The following STAU1 variants were observed in gnomAD, a reference collection of about 807,000 sequenced individuals.
STAU1 encodes the protein staufen double-stranded RNA binding protein 1, also known as double-stranded RNA-binding protein Staufen homolog 1.
In STAU1, 13 loss-of-function variants were observed where a neutral mutation model predicts 62.9. The observed-to-expected ratio is 0.21, with a 90% confidence interval of 0.13 to 0.33. The LOEUF (loss-of-function observed/expected upper bound fraction) is 0.33, where lower values mean the gene tolerates loss of function less well. Among genes scored for constraint, STAU1 ranks in the 10% least tolerant of loss-of-function variants. The pLI, the probability that STAU1 is intolerant of heterozygous loss-of-function variation, is 1.00. For missense variants in STAU1, 571 were observed against 712.1 expected, an observed-to-expected ratio of 0.80 and a Z score of 2.25; for synonymous variants, 269 against 265.1, an observed-to-expected ratio of 1.01 and a Z score of -0.14.
chr20:49,165,955 G>A (rs555624524), intron 3 of STAU1, 42 bp downstream of exon 3: 18 of 1,600,772 alleles, frequency 1.1e-5, no homozygotes, highest in Non-Finnish European at 1.5e-5. Context: ...AACAGGGTAA[G>A]AAAACATTTG....
upstream of STAU1, among the ~76,000 whole-genome samples, chr20:49,189,201 C>CAAA (rs545643816): frequency 2.1e-4 from 7 of 33,622 alleles, 3 homozygotes; most frequent in Non-Finnish European, 2.6e-4. Context: ...ACACTGGTCT[C>CAAA]AAAAAAAAAA....
intron 1 of STAU1, among the ~76,000 whole-genome samples, chr20:49,178,423 G>A (rs2093685186): frequency 6.6e-6 from 1 of 151,620 alleles, no homozygotes; most frequent in Admixed American, 6.6e-5. Context: ...AGGCTAGGCT[G>A]GCCAACATGG....
In STAU1 at chr20:49,166,074, G is replaced by A. The variant is rs772337139; in HGVS notation, c.128C>T (p.Pro43Leu). Residue 43 changes from proline (P) to leucine (L), a missense_variant, in exon 3 of 14, where the codon CCC (proline) becomes CTC (leucine). Coordinates refer to ENST00000371856, the MANE Select transcript of STAU1 (RefSeq NM_017453.4). Reference protein sequence around the residue: ...MSIPSTTSSLPSENAGRPIQN... With the variant: ...MSIPSTTSSLLSENAGRPIQN... ...AATGGGTCTACCTGCATTTTCAGAG[G>A]GCAGAGAGCTAGTAGTAGAAGGAAT... 6.2e-7 allele frequency: 1 copy of A among 1,614,172 alleles called. No individual in the cohort carries two copies. Among genetic ancestry groups the A allele is most frequent in the South Asian group, 1.1e-5 (1 of 91,080 alleles).
the STAU1 span, among the ~76,000 whole-genome samples, chr20:49,201,183 A>G: frequency 6.6e-6 from 1 of 151,900 alleles, no homozygotes. Flanking sequence ...ATGCTACTAA[A>G]ATGGTAGATA....
Position 49,117,197 on chromosome 20 carries a change from T to C in STAU1, c.1561A>G (p.Ile521Val). The stretch of plus-strand genomic sequence containing the variant: ...AGAGGTGGCTGAGAGGAGCAATTGA[T>C]AAGAGATACAAATTCGTTCTTGTTG... ...KNNKNEFVSLINCSSQPPLIS... is the reference protein window; with the variant it reads ...KNNKNEFVSLVNCSSQPPLIS... Residue 521 changes from isoleucine to valine, a missense_variant, in exon 12 of 14, where the codon ATC (isoleucine) becomes GTC (valine). By Grantham distance (29) the Ile-to-Val change is conservative. Around this residue, in one of 3 missense-constraint regions of STAU1, gnomAD observed 156 missense variants for 194.7 expected, o/e 0.80. Coordinates refer to ENST00000371856, the MANE Select transcript of STAU1 (RefSeq NM_017453.4). The surrounding 1 kb of genome is among the most constrained non-coding windows in gnomAD (Gnocchi z 4.6). The C allele has an allele frequency of 6.2e-7, 1 of 1,614,158 alleles. No homozygotes were observed. Among genetic ancestry groups the C allele is most frequent in the South Asian group, 1.1e-5 (1 of 91,082 alleles).
intron 5 of STAU1, among the ~76,000 whole-genome samples, chr20:49,151,044 T>A (rs188479300): frequency 2.1e-4 from 32 of 152,262 alleles, no homozygotes; most frequent in African/African-American, 7.5e-4. Flanking sequence ...GAAGACAAGC[T>A]ACACCCTTGC....
intron 6 of STAU1, among the ~76,000 whole-genome samples, chr20:49,135,626 T>G (rs1193015992): frequency 6.6e-6 from 1 of 152,114 alleles, no homozygotes; most frequent in African/African-American, 2.4e-5. Context: ...TCATGAACTC[T>G]CTACACATCC....
chr20:49,139,232 T>C (rs2092955745), intron 5 of STAU1, among the ~76,000 whole-genome samples: 1 of 152,182 alleles, frequency 6.6e-6, no homozygotes, highest in South Asian at 2.1e-4. Flanking sequence ...ACATTAATAT[T>C]AGACTTCATC....
the STAU1 span, among the ~76,000 whole-genome samples, chr20:49,202,763 G>T: frequency 6.6e-6 from 1 of 151,970 alleles, no homozygotes; most frequent in African/African-American, 2.4e-5. Flanking sequence ...AGGAGGCCAG[G>T]CTCCGTGGCT....
chr20:49,122,810 G>A (rs1384647757), intron 8 of STAU1, among the ~76,000 whole-genome samples: 2 of 152,110 alleles, frequency 1.3e-5, no homozygotes, highest in Non-Finnish European at 1.5e-5. Context: ...CCAGCTACTC[G>A]GGAGGCTGAG....
At chr20:49,166,869 G>A (rs1168601051) in intron 2 of STAU1, among the ~76,000 whole-genome samples, 1 of 151,982 alleles carries the variant, frequency 6.6e-6, no homozygotes, top group Non-Finnish European at 1.5e-5. Context: ...GCTTGTTTGA[G>A]GTCTCATTTA....
chr20:49,120,735 G>A (rs1288175442), intron 8 of STAU1, among the ~76,000 whole-genome samples: 1 of 152,144 alleles, frequency 6.6e-6, no homozygotes. Context: ...ATTTTGCAGA[G>A]AAGCCACTCA....
At position 49,120,641 on chromosome 20, in the gene STAU1, C is replaced by T. The variant is rs942349859; in HGVS notation, c.967-513G>A. On this transcript the variant is annotated intron_variant, in intron 8 of 13. Coordinates refer to ENST00000371856, the MANE Select transcript of STAU1 (RefSeq NM_017453.4). ...GAAAAGGTTAATAAAGCAGGTTAAT[C>T]TTAAAAGCATGAGAAGTCTGCAGCC... 4.6e-5 allele frequency among the ~76,000 whole-genome samples: 7 copies of T among 152,182 alleles called. No homozygotes were observed. The East Asian group carries it at 1.3e-3, about 29-fold the overall frequency.
At chr20:49,208,812 C>G in the STAU1 span, among the ~76,000 whole-genome samples, 1 of 149,834 alleles carries the variant, frequency 6.7e-6, no homozygotes, top group East Asian at 2.0e-4. Flanking sequence ...TTAATGGAGA[C>G]GGGGTTTCAA....
chr20:49,201,044 C>CAAAAAAAAAAAAAAAAAAAAA, the STAU1 span, among the ~76,000 whole-genome samples: 9 of 31,506 alleles, frequency 2.9e-4, no homozygotes, highest in Admixed American at 7.1e-4. Flanking sequence ...GACCCACTCT[C>CAAAAAAAAAAAAAAAAAAAAA]AAAAAAAAAA....
Position 49,117,285 on chromosome 20 carries a change from CA to C in STAU1, c.1510-38del. The C allele has an allele frequency of 6.2e-7, 1 of 1,611,096 alleles. No homozygotes were observed. The highest frequency in any genetic ancestry group is 1.1e-5 in the South Asian group (1 of 90,550). On this transcript the variant is annotated intron_variant, in intron 11 of 13. Coordinates refer to ENST00000371856, the MANE Select transcript of STAU1 (RefSeq NM_017453.4). The surrounding 1 kb of genome is among the most constrained non-coding windows in gnomAD (Gnocchi z 4.6). ...AAGAGAGCTGAGGCTAGGTAGGGAA[CA>C]GCAAGTATGAGTGGGCTGGAGGGCT...
intron 8 of STAU1, 127 bp downstream of exon 8, chr20:49,122,965 G>C (rs2092501095): frequency 3.4e-5 from 29 of 863,644 alleles, no homozygotes; most frequent in Non-Finnish European, 4.5e-5. Context: ...AAGGATCACA[G>C]TCGCTGGCAG....
chr20:49,128,200 C>G (rs1230229776), intron 6 of STAU1, among the ~76,000 whole-genome samples: 19 of 151,208 alleles, frequency 1.3e-4, no homozygotes, highest in Admixed American at 1.3e-3. Context: ...GTGGCGTGTG[C>G]CTGTAGCCCC....
At chr20:49,125,563 TGGGCCAGGCGCG>T (rs1287922011) in intron 6 of STAU1, among the ~76,000 whole-genome samples, 2 of 135,344 alleles carry the variant, frequency 1.5e-5, no homozygotes, top group Non-Finnish European at 3.1e-5. Flanking sequence ...AAGCAAGCAA[TGGGCCAGGCGCG>T]GTGGCTCACG....
Sources: allele counts gnomAD v4.1 joint callset (sites outside exome capture counted in the v4.1 genomes callset), GRCh38; gene constraint gnomAD v4.1.1; regional missense constraint gnomAD v4.1.1; non-coding constraint Gnocchi (gnomAD v3.1); transcripts MANE v1.5; gene names NCBI Gene and HGNC (gene_info 2026-07-23, HGNC 2026-07-21).